Variants in PDZRN4 observed in about 807,000 individuals in gnomAD.
The protein encoded by PDZRN4 is PDZ domain-containing RING finger protein 4.
In PDZRN4, 70 loss-of-function variants were observed where a neutral mutation model predicts 99.0. That is an observed-to-expected ratio of 0.71 (90% CI 0.58 to 0.86). PDZRN4 has a LOEUF of 0.86. Among genes scored for constraint, PDZRN4 ranks in the 40% least tolerant of loss-of-function variants. PDZRN4 has a pLI of 0.00. For missense variants in PDZRN4, 1,474 were observed against 1,331.2 expected (o/e 1.11, Z -1.67); for synonymous variants, 551 against 501.6 (o/e 1.10, Z -1.32).
rs57395098 is a variant in PDZRN4 at position 41,392,287 on chromosome 12, C to G, written c.844-114169C>G. On this transcript the variant is annotated intron_variant, in intron 3 of 9. Coordinates refer to ENST00000402685, the MANE Select transcript of PDZRN4 (RefSeq NM_001164595.2). ...CCCCAGAGAAAGAAGAACTTATTCACTGGGACTCAGTGTACATACAAACAC... is the reference window on the plus strand; with the variant it reads ...CCCCAGAGAAAGAAGAACTTATTCAGTGGGACTCAGTGTACATACAAACAC... Among the ~76,000 whole-genome samples the G allele has an allele frequency of 3.9e-3, 591 of 152,166 alleles. 1 individual carries two copies. The highest frequency in any genetic ancestry group is 0.014 in the African/African-American group (571 of 41,524).
At chr12:41,392,065 G>T (rs187266764) in intron 3 of PDZRN4, among the ~76,000 whole-genome samples, 1 of 152,048 alleles carries the variant, frequency 6.6e-6, no homozygotes, top group African/African-American at 2.4e-5. Flanking sequence ...AACAAAATTA[G>T]GTCACATAAA....
intron 3 of PDZRN4, among the ~76,000 whole-genome samples, chr12:41,221,259 A>G (rs1021493480): frequency 4.6e-5 from 7 of 152,154 alleles, no homozygotes; most frequent in Non-Finnish European, 8.8e-5. Flanking sequence ...AGTCCCTGAG[A>G]TTTGAGGATT....
At chr12:41,501,083 C>G (rs1938101053) in intron 3 of PDZRN4, among the ~76,000 whole-genome samples, 1 of 152,148 alleles carries the variant, frequency 6.6e-6, no homozygotes, top group African/African-American at 2.4e-5. Context: ...TACTTATCCT[C>G]AATTTCAAAT....
At chr12:41,460,307 T>C (rs1237486921) in intron 3 of PDZRN4, among the ~76,000 whole-genome samples, 1 of 152,204 alleles carries the variant, frequency 6.6e-6, no homozygotes, top group African/African-American at 2.4e-5. Context: ...AATTTTTCAG[T>C]GAATGAAAAT....
In PDZRN4 at chr12:41,437,927, C is replaced by A. The variant is rs778759003; in HGVS notation, c.844-68529C>A. On this transcript the variant is annotated intron_variant, in intron 3 of 9. Coordinates refer to ENST00000402685, the MANE Select transcript of PDZRN4 (RefSeq NM_001164595.2). ...CTGGGGAAATTAGAAGATTTGCTCT[C>A]TCTCTCTGCTTCTTAGAATGGGCTG... 8 of 1,613,832 alleles carry A rather than the reference C, an allele frequency of 5.0e-6. No homozygotes were observed. The Admixed American group carries it at 8.3e-5, about 17-fold the overall frequency.
intron 3 of PDZRN4, among the ~76,000 whole-genome samples, chr12:41,286,248 A>C (rs1342863092): frequency 1.3e-5 from 2 of 151,624 alleles, no homozygotes; most frequent in African/African-American, 4.8e-5. Context: ...ATAAAATCTG[A>C]CTTTTAGGTT....
rs114366972 is a variant in PDZRN4, at chr12:41,558,530, G to A, written c.1365+2770G>A. Among the ~76,000 whole-genome samples the A allele has an allele frequency of 8.5e-3, 1,287 of 152,244 alleles. 22 individuals are homozygous for A. Among genetic ancestry groups the A allele is most frequent in the African/African-American group, 0.029 (1,203 of 41,546 alleles). On this transcript the variant is annotated intron_variant, in intron 7 of 9. Coordinates refer to ENST00000402685, the MANE Select transcript of PDZRN4 (RefSeq NM_001164595.2). Reference sequence around the variant, plus strand: ...TTCATTTGTTCTGTGGGTATAGTTGGATGGAAATAAAGTGCATGTGTTTCC... The same window carrying A: ...TTCATTTGTTCTGTGGGTATAGTTGAATGGAAATAAAGTGCATGTGTTTCC...
intron 3 of PDZRN4, among the ~76,000 whole-genome samples, chr12:41,264,042 A>G (rs1951261473): frequency 6.6e-6 from 1 of 152,224 alleles, no homozygotes; most frequent in Non-Finnish European, 1.5e-5. Flanking sequence ...ATAAAAGTAT[A>G]GTTAACAATA....
Position 41,328,913 on chromosome 12 carries a change from A to G in PDZRN4, c.843+134725A>G, listed in dbSNP as rs1405423223. 2.6e-5 allele frequency among the ~76,000 whole-genome samples: 4 copies of G among 152,146 alleles called. No homozygotes were observed. The East Asian group carries it at 7.7e-4, about 29-fold the overall frequency. ...AGGAGGAGAAGATTTAGAGTACAGTATTATCAACAGTACTCCAGGAAGCAG... is the reference window on the plus strand; with the variant it reads ...AGGAGGAGAAGATTTAGAGTACAGTGTTATCAACAGTACTCCAGGAAGCAG... On this transcript the variant is annotated intron_variant, in intron 3 of 9. Transcript: ENST00000402685.
intron 3 of PDZRN4, among the ~76,000 whole-genome samples, chr12:41,333,192 G>T (rs2120997793): frequency 1.3e-5 from 2 of 152,194 alleles, no homozygotes; most frequent in Middle Eastern, 6.8e-3. Flanking sequence ...ATTGCTCTGG[G>T]ACTATTTTGG....
At chr12:41,218,399 T>G (rs569242906) in intron 3 of PDZRN4, among the ~76,000 whole-genome samples, 24 of 152,246 alleles carry the variant, frequency 1.6e-4, no homozygotes, top group African/African-American at 5.8e-4. Flanking sequence ...GATCACTGAC[T>G]ATGAACATTT....
intron 3 of PDZRN4, among the ~76,000 whole-genome samples, chr12:41,245,961 T>G (rs1281889098): frequency 6.6e-6 from 1 of 152,130 alleles, no homozygotes; most frequent in Non-Finnish European, 1.5e-5. Flanking sequence ...AAGCGAAGGA[T>G]CTTGTTTGCA....
chr12:41,567,570 C>T (rs1425917123), intron 8 of PDZRN4, among the ~76,000 whole-genome samples: 1 of 150,556 alleles, frequency 6.6e-6, no homozygotes, highest in African/African-American at 2.4e-5. Context: ...AATCTGTAGT[C>T]CCATTTCAGG....
chr12:41,446,003 C>A (rs1369324276), intron 3 of PDZRN4, among the ~76,000 whole-genome samples: 1 of 152,052 alleles, frequency 6.6e-6, no homozygotes, highest in Non-Finnish European at 1.5e-5. Context: ...AATTCTATCA[C>A]TTTCAATGTG....
intron 2 of PDZRN4, among the ~76,000 whole-genome samples, chr12:41,193,700 C>G (rs905370444): frequency 3.3e-5 from 5 of 152,156 alleles, no homozygotes; most frequent in Non-Finnish European, 5.9e-5. Context: ...ACAGTGGGAA[C>G]CAGATATATG....
chr12:41,233,778 AG>A lies in PDZRN4; in HGVS notation c.843+39592del, dbSNP rs375096058. Among the ~76,000 whole-genome samples the A allele has an allele frequency of 8.3e-3, 1,256 of 151,472 alleles. 15 individuals are homozygous for A. Among genetic ancestry groups the A allele is most frequent in the African/African-American group, 0.029 (1,199 of 41,296 alleles). On this transcript the variant is annotated intron_variant, in intron 3 of 9. Transcript: ENST00000402685. ...ACAGGAAGGGGAACATCACACACCC[AG>A]GACTGTTGTGTGGTGGGGGGAGCGG...
intron 3 of PDZRN4, among the ~76,000 whole-genome samples, chr12:41,297,148 C>A (rs916664097): frequency 6.6e-6 from 1 of 152,062 alleles, no homozygotes; most frequent in African/African-American, 2.4e-5. Context: ...AGTAAAATTT[C>A]TGTTTTTTAA....
chr12:41,458,360 T>C (rs1291921707), intron 3 of PDZRN4, among the ~76,000 whole-genome samples: 3 of 152,166 alleles, frequency 2.0e-5, no homozygotes, highest in Non-Finnish European at 2.9e-5. Flanking sequence ...TTTCACCACA[T>C]CGGCCAGGCT....
At chr12:41,387,655 G>A (rs548251779) in intron 3 of PDZRN4, among the ~76,000 whole-genome samples, 9 of 152,146 alleles carry the variant, frequency 5.9e-5, no homozygotes, top group Admixed American at 3.3e-4. Context: ...GACATACAGC[G>A]GCCAACAATC....
Sources: allele counts gnomAD v4.1 joint callset (sites outside exome capture counted in the v4.1 genomes callset), GRCh38; gene constraint gnomAD v4.1.1; transcripts MANE v1.5; gene names NCBI Gene and HGNC (gene_info 2026-07-23, HGNC 2026-07-21).